MYDGF: variants seen among roughly 807,000 people sequenced by gnomAD.
MYDGF encodes myeloid-derived growth factor.
A neutral mutation model predicts 24.2 loss-of-function variants in MYDGF; 29 were observed. The observed-to-expected ratio is 1.20, with a 90% confidence interval of 0.89 to 1.63. The LOEUF is 1.63. Ranked by LOEUF, MYDGF falls within the 40% of genes most tolerant of loss-of-function variation. The pLI is 0.00. For missense variants in MYDGF, 245 were observed against 234.8 expected (o/e 1.04, Z -0.29); for synonymous variants, 105 against 102.5 (o/e 1.02, Z -0.15).
Position 4,657,765 on chromosome 19 carries a change from G to C in MYDGF, c.*240C>G, listed in dbSNP as rs1030112105. The C allele has an allele frequency of 5.1e-6, 2 of 394,596 alleles. No homozygotes were observed. The highest frequency in any genetic ancestry group is 4.0e-5 in the African/African-American group (2 of 49,638). 24.4% of individuals were successfully genotyped at this position (394,596 alleles called of 1,614,324 possible). A position where few individuals can be genotyped will look rare whatever the true frequency, so the allele number is the denominator to read the frequency against. On this transcript the variant is annotated 3_prime_UTR_variant, in exon 6 of 6. Coordinates refer to ENST00000262947, the MANE Select transcript of MYDGF (RefSeq NM_019107.4). ...CGGATCTGCGATCCTGAGTCCAGAA[G>C]AGCTCAGCAGGAAGTGGGAACTGAG...
chr19:4,664,184 C>T (rs2088502970), intron 3 of MYDGF, among the ~76,000 whole-genome samples: 3 of 151,938 alleles, frequency 2.0e-5, no homozygotes, highest in Admixed American at 2.0e-4. Flanking sequence ...AGGAGAATGA[C>T]TCTGATGGGA....
chr19:4,670,113 C>T (rs1316623583), intron 1 of MYDGF, 48 bp downstream of exon 1: 1 of 1,431,422 alleles, frequency 7.0e-7, no homozygotes, highest in Non-Finnish European at 9.2e-7. Flanking sequence ...CGCGCCCCCT[C>T]CCCGGGCCTG....
chr19:4,669,722 G>A (rs1422106859), intron 1 of MYDGF, among the ~76,000 whole-genome samples: 2 of 152,144 alleles, frequency 1.3e-5, no homozygotes, highest in African/African-American at 2.4e-5. Context: ...CCTCGGTGAG[G>A]GGGGACCTTG....
chr19:4,660,265 A>G (rs1032000826), intron 4 of MYDGF, among the ~76,000 whole-genome samples: 5 of 151,562 alleles, frequency 3.3e-5, no homozygotes, highest in African/African-American at 9.7e-5. Flanking sequence ...AGGTGGGACT[A>G]TGGGTGCATG....
chr19:4,658,398 A>C (rs2088440918), intron 5 of MYDGF, among the ~76,000 whole-genome samples: 1 of 152,144 alleles, frequency 6.6e-6, no homozygotes. Flanking sequence ...GGCCAGAAGA[A>C]GCCCAGGAAG....
At chr19:4,665,814 C>A (rs1302485408) in intron 2 of MYDGF, among the ~76,000 whole-genome samples, 5 of 96,930 alleles carry the variant, frequency 5.2e-5, no homozygotes, top group African/African-American at 7.2e-5. Context: ...GAGCGAGACT[C>A]TGTCTCAAAA....
rs558733179 is a variant in MYDGF at position 4,668,619 on chromosome 19, G to A, written c.201C>T (p.Tyr67=). The change falls in exon 2 of 6, where the codon TAC becomes TAT. Residue 67 remains tyrosine (Y), a synonymous_variant. Transcript: ENST00000262947. The stretch of plus-strand genomic sequence containing the variant: ...CCTCATTGGTCCCTCCTTGAGAGGC[G>A]TAAGTGAACATACACGTATATTTGT... ...PGDKYTCMFT[Y]ASQGGTNEQW... 9.3e-6 allele frequency: 15 copies of A among 1,612,900 alleles called. No individual in the cohort carries two copies. Among genetic ancestry groups the A allele is most frequent in the African/African-American group, 4.0e-5 (3 of 74,942 alleles).
chr19:4,664,771 C>T (rs1361667932), intron 3 of MYDGF, 105 bp downstream of exon 3: 2 of 1,287,034 alleles, frequency 1.6e-6, no homozygotes, highest in Non-Finnish European at 1.1e-6. Flanking sequence ...GGTCTGTCTT[C>T]CCCTCCAGGG....
chr19:4,664,532 T>A (rs528594256), intron 3 of MYDGF, among the ~76,000 whole-genome samples: 105 of 151,082 alleles, frequency 6.9e-4, no homozygotes, highest in Non-Finnish European at 1.2e-3. Context: ...CTTTGGTGAG[T>A]TCGTCTCACC....
At chr19:4,658,701 G>A (rs1198408550) in intron 5 of MYDGF, among the ~76,000 whole-genome samples, 1 of 152,156 alleles carries the variant, frequency 6.6e-6, no homozygotes, top group Admixed American at 6.6e-5. Context: ...GGACCCTGAT[G>A]TTTCCCAGTG....
Position 4,664,924 on chromosome 19 carries a change from C to A in MYDGF, c.239G>T (p.Ser80Ile), listed in dbSNP as rs762495643. The A allele has an allele frequency of 5.0e-6, 8 of 1,612,986 alleles. No individual in the cohort carries two copies. The South Asian group carries it at 8.8e-5, about 18-fold the overall frequency. ...CTGGTGGTCTTCGCTGGTCCCCAGACTCATCTGCCATTGCTGGGGAGAGAA... is the reference window on the plus strand; with the variant it reads ...CTGGTGGTCTTCGCTGGTCCCCAGAATCATCTGCCATTGCTGGGGAGAGAA... ...QGGTNEQWQM[S>I]LGTSEDHQHF... Residue 80 changes from serine to isoleucine, a missense_variant, in exon 3 of 6, where the codon AGT becomes ATT. Transcript: ENST00000262947.
chr19:4,664,986 C>A (rs202042429), intron 2 of MYDGF, 49 bp from the exon 3 acceptor site: 3 of 1,590,422 alleles, frequency 1.9e-6, no homozygotes, highest in Non-Finnish European at 2.6e-6. Context: ...CAGCTGCTCT[C>A]GGAGACTTCT....
intron 3 of MYDGF, among the ~76,000 whole-genome samples, chr19:4,661,636 A>AG (rs1459902185): frequency 6.9e-6 from 1 of 145,180 alleles, no homozygotes; most frequent in East Asian, 2.0e-4. Context: ...GAGGGGCAGC[A>AG]GGGGGGCCAT....
intron 3 of MYDGF, among the ~76,000 whole-genome samples, chr19:4,664,034 C>G (rs934309223): frequency 6.6e-6 from 1 of 151,662 alleles, no homozygotes; most frequent in African/African-American, 2.4e-5. Context: ...CATGGATGAG[C>G]CTTGAGGACG....
rs75384732 is a variant in MYDGF, at chr19:4,659,653, C to T, written c.442+278G>A. 8.4e-3 allele frequency: 4,303 copies of T among 509,682 alleles called. 133 individuals are homozygous for T. The highest frequency in any genetic ancestry group is 0.072 in the African/African-American group (3,790 of 52,986). 31.6% of individuals were successfully genotyped at this position (509,682 alleles called of 1,614,324 possible). A position where few individuals can be genotyped will look rare whatever the true frequency, so the allele number is the denominator to read the frequency against. On this transcript the variant is annotated intron_variant, in intron 5 of 5. Coordinates refer to ENST00000262947, the MANE Select transcript of MYDGF (RefSeq NM_019107.4). ...CTGCGGTAACAGGCATGAGCCACCG[C>T]GCCCAGCTAAGATAAAGTTCTAGTG... is the stretch of plus-strand genomic sequence containing the variant.
intron 5 of MYDGF, 51 bp from the exon 6 acceptor site, chr19:4,658,135 A>G (rs2088437841): frequency 6.5e-7 from 1 of 1,532,756 alleles, no homozygotes; most frequent in Non-Finnish European, 8.9e-7. Flanking sequence ...AATTCTCAGA[A>G]GTCCGGAGGA....
rs2088554958 is a variant in MYDGF at position 4,670,217 on chromosome 19, A to T, written c.118T>A (p.Phe40Ile). 1.3e-6 allele frequency: 2 copies of T among 1,561,980 alleles called. No homozygotes were observed. Among genetic ancestry groups the T allele is most frequent in the Non-Finnish European group, 1.7e-6 (2 of 1,157,260 alleles). Residue 40 changes from phenylalanine to isoleucine, a missense_variant, in exon 1 of 6, where the codon TTT (phenylalanine) becomes ATT (isoleucine). Transcript: ENST00000262947. ...EAVSEPTTVA[F>I]DVRPGGVVHS... ...ACGACGCCGCCGGGCCGCACGTCAA[A>T]CGCCACCGTCGTGGGCTCGGACACC...
rs765964519 is a variant in MYDGF at position 4,664,839 on chromosome 19, C to T, written c.287+37G>A. 121 of 1,607,442 alleles carry T rather than the reference C, an allele frequency of 7.5e-5. 2 individuals are homozygous for T. In the South Asian group the frequency reaches 8.3e-4, roughly 11 times the overall value. ...CTCCTGAGGCCACAGGGCAGGCCAA[C>T]GGCAGCCGGAAATGCCATCCCCACC... On this transcript the variant is annotated intron_variant, in intron 3 of 5. Transcript: ENST00000262947.
rs2088464156 is a variant in MYDGF, at chr19:4,660,760, A to G, written c.288-10T>C. ...GGACTTCCCCTGGGGCCTGCAGAGG[A>G]AGAGGGGGCGAGGGAGTCAGGCCAG... On this transcript the variant is annotated splice_polypyrimidine_tract_variant and intron_variant, in intron 3 of 5. Coordinates refer to ENST00000262947, the MANE Select transcript of MYDGF (RefSeq NM_019107.4). 1.2e-6 allele frequency: 2 copies of G among 1,612,382 alleles called. No individual in the cohort carries two copies. Among genetic ancestry groups the G allele is most frequent in the Non-Finnish European group, 1.7e-6 (2 of 1,179,132 alleles).
Sources: allele counts gnomAD v4.1 joint callset (sites outside exome capture counted in the v4.1 genomes callset), GRCh38; gene constraint gnomAD v4.1.1; transcripts MANE v1.5; gene names NCBI Gene and HGNC (gene_info 2026-07-23, HGNC 2026-07-21).